WASHC5: variants seen among roughly 807,000 people sequenced by gnomAD.
The protein encoded by WASHC5 is WASH complex subunit strumpellin.
A neutral mutation model predicts 150.4 loss-of-function variants in WASHC5; 101 were observed. The observed-to-expected ratio is 0.67, with a 90% CI of 0.57 to 0.79. The LOEUF (loss-of-function observed/expected upper bound fraction) is 0.79, where lower values mean the gene tolerates loss of function less well. WASHC5 is among the 30% of genes least tolerant of loss of function. The pLI is 0.00. For synonymous variants in WASHC5, 467 were observed against 491.2 expected, an observed-to-expected ratio of 0.95 and a Z score of 0.65; for missense variants, 1,195 against 1,396.3, an observed-to-expected ratio of 0.86 and a Z score of 2.30.
At chr8:125,025,316 A>G (rs1441940262) in intron 28 of WASHC5, among the ~76,000 whole-genome samples, 2 of 152,200 alleles carry the variant, frequency 1.3e-5, no homozygotes, top group Non-Finnish European at 2.9e-5. Flanking sequence ...GCAAATGCAG[A>G]AGAGTATAAA....
chr8:125,082,410 A>C lies in WASHC5; in HGVS notation c.390T>G (p.Leu130=). The change falls in exon 4 of 29, where the codon CTT becomes CTG. Residue 130 remains leucine, a synonymous_variant. Transcript: ENST00000318410. ...VYIQQTLETV[L]LNEDGKQLLC... The stretch of plus-strand genomic sequence containing the variant: ...GAAGTTGTTTTCCATCTTCATTGAG[A>C]AGCACAGTTTCTAAGGTTTGCTGAA... 1 of 1,589,162 alleles carries C rather than the reference A, an allele frequency of 6.3e-7. No individual in the cohort carries two copies. Among genetic ancestry groups the C allele is most frequent in the South Asian group, 1.1e-5 (1 of 90,400 alleles).
chr8:125,081,544 G>A (rs781319895), intron 5 of WASHC5, 117 bp downstream of exon 5: 50 of 761,694 alleles, frequency 6.6e-5, no homozygotes, highest in African/African-American at 5.6e-4. Flanking sequence ...CGGCTGAATC[G>A]TATACTTTCT....
At chr8:125,060,252 C>T (rs150457780) in intron 12 of WASHC5, among the ~76,000 whole-genome samples, 4,007 of 152,176 alleles carry the variant, frequency 0.026, 181 homozygotes, top group African/African-American at 0.092. Context: ...TCTGAGAGCC[C>T]GAGGCAGGTG....
rs1815349630 is a variant in WASHC5 at position 125,025,397 on chromosome 8, C to G, written c.3424-724G>C. 2.6e-5 allele frequency among the ~76,000 whole-genome samples: 4 copies of G among 152,090 alleles called. No homozygotes were observed. The South Asian group carries it at 8.3e-4, about 32-fold the overall frequency. ...GTATAAATACCTAATACATGTGAGG[C>G]TTAAAACCTAGGCTGGGCGTGGTGG... is the stretch of plus-strand genomic sequence containing the variant. On this transcript the variant is annotated intron_variant, in intron 28 of 28. Transcript: ENST00000318410.
chr8:125,026,785 T>TG (rs1277825009), intron 28 of WASHC5, among the ~76,000 whole-genome samples: 3 of 152,168 alleles, frequency 2.0e-5, no homozygotes, highest in African/African-American at 7.2e-5. Context: ...CACCCTATTT[T>TG]GGTTTCTACA....
Position 125,082,396 on chromosome 8 carries a change from C to T in WASHC5, c.404G>A (p.Gly135Glu), listed in dbSNP as rs1817290602. 2 of 1,550,326 alleles carry T rather than the reference C, an allele frequency of 1.3e-6. No homozygotes were observed. The highest frequency in any genetic ancestry group is 1.4e-5 in the African/African-American group (1 of 73,476). Reference sequence around the variant, plus strand: ...ATTATTACTTACTAGAAGTTGTTTTCCATCTTCATTGAGAAGCACAGTTTC... The same window carrying T: ...ATTATTACTTACTAGAAGTTGTTTTTCATCTTCATTGAGAAGCACAGTTTC... ...TLETVLLNED[G>E]KQLLCEALYL... is the part of the protein sequence containing the mutation. The change falls in exon 4 of 29, where the codon GGA (glycine) becomes GAA (glutamate). Residue 135 changes from glycine (G) to glutamate (E), a missense_variant. Transcript: ENST00000318410.
At chr8:125,079,767 C>T (rs916849853) in intron 5 of WASHC5, among the ~76,000 whole-genome samples, 3 of 152,056 alleles carry the variant, frequency 2.0e-5, no homozygotes, top group African/African-American at 7.2e-5. Flanking sequence ...AGCCTCACAC[C>T]TATTCCAGGC....
At chr8:125,074,638 C>T (rs780324622) in intron 8 of WASHC5, among the ~76,000 whole-genome samples, 16 of 152,176 alleles carry the variant, frequency 1.1e-4, no homozygotes, top group Non-Finnish European at 2.1e-4. Context: ...TTATCATCTT[C>T]ATCATTCATC....
chr8:125,081,551 T>G (rs1045289432), intron 5 of WASHC5, 110 bp downstream of exon 5: 1 of 778,526 alleles, frequency 1.3e-6, no homozygotes, highest in Admixed American at 1.7e-5. Flanking sequence ...ATCGTATACT[T>G]TCTTATCTAT....
chr8:125,081,754 G>C lies in WASHC5; in HGVS notation c.425C>G (p.Ala142Gly). Reference sequence around the variant, plus strand: ...TAGCATAACTCCATATAAGTACAGTGCTTCACACTAAGAAGAGAAGAGGAC... The same window carrying C: ...TAGCATAACTCCATATAAGTACAGTCCTTCACACTAAGAAGAGAAGAGGAC... ...NEDGKQLLCEALYLYGVMLLV... is the reference protein window; with the variant it reads ...NEDGKQLLCEGLYLYGVMLLV... Residue 142 changes from alanine to glycine, a missense_variant, in exon 5 of 29, where the codon GCA becomes GGA. Around this residue, in one of 3 missense-constraint regions of WASHC5, gnomAD observed 195 missense variants for 206.9 expected, o/e 0.94. Coordinates refer to ENST00000318410, the MANE Select transcript of WASHC5 (RefSeq NM_014846.4). 1 of 1,599,340 alleles carries C rather than the reference G, an allele frequency of 6.3e-7. No individual in the cohort carries two copies.
intron 28 of WASHC5, among the ~76,000 whole-genome samples, chr8:125,024,918 T>G (rs931321125): frequency 1.3e-5 from 2 of 151,984 alleles, no homozygotes; most frequent in African/African-American, 2.4e-5. Flanking sequence ...AATCTGAGCT[T>G]CTTGGCTCTT....
intron 27 of WASHC5, among the ~76,000 whole-genome samples, chr8:125,029,029 A>AATTTTT: frequency 8.0e-6 from 1 of 124,932 alleles, no homozygotes; most frequent in Non-Finnish European, 1.6e-5. Flanking sequence ...ATCCCTGCAC[A>AATTTTT]CTTTTTTTTT....
At chr8:125,072,177 CA>C (rs1230410109) in intron 9 of WASHC5, among the ~76,000 whole-genome samples, 7 of 151,624 alleles carry the variant, frequency 4.6e-5, no homozygotes, top group African/African-American at 1.5e-4. Context: ...ACTGTCTCTA[CA>C]AAAAAATACA....
chr8:125,087,963 C>T (rs1046971322), intron 1 of WASHC5, among the ~76,000 whole-genome samples: 4 of 152,162 alleles, frequency 2.6e-5, no homozygotes, highest in African/African-American at 2.4e-5. Context: ...AAGGATGGGG[C>T]ATATGCTAGT....
intron 12 of WASHC5, among the ~76,000 whole-genome samples, chr8:125,060,658 T>C (rs78328637): frequency 0.026 from 3,989 of 152,194 alleles, 181 homozygotes; most frequent in African/African-American, 0.092. Flanking sequence ...AGAAAATATA[T>C]CACTTATAAG....
chr8:125,028,471 T>C (rs975512890), intron 28 of WASHC5, 149 bp downstream of exon 28: 2 of 636,064 alleles, frequency 3.1e-6, no homozygotes, highest in African/African-American at 3.6e-5. Flanking sequence ...GGCAAGGACA[T>C]TTCAGAGCTG....
chr8:125,089,426 G>A (rs1004052795), intron 1 of WASHC5, among the ~76,000 whole-genome samples: 2 of 152,142 alleles, frequency 1.3e-5, no homozygotes, highest in Non-Finnish European at 2.9e-5. Flanking sequence ...ATCTCATAAT[G>A]TTTTAAGCAA....
intron 5 of WASHC5, among the ~76,000 whole-genome samples, chr8:125,080,462 C>G (rs978109774): frequency 3.3e-5 from 5 of 152,152 alleles, no homozygotes; most frequent in African/African-American, 1.2e-4. Flanking sequence ...GAGCCTAAGA[C>G]TAATTTGCTG....
intron 18 of WASHC5, among the ~76,000 whole-genome samples, chr8:125,049,474 T>G (rs1050214997): frequency 6.6e-6 from 1 of 151,788 alleles, no homozygotes; most frequent in African/African-American, 2.4e-5. Flanking sequence ...AGGGAACTGC[T>G]TGAACCTGGG....
Sources: gnomAD v4.1 joint callset for allele counts (sites outside exome capture counted in the v4.1 genomes callset) on GRCh38, gnomAD v4.1.1 for gene constraint, gnomAD v4.1.1 regional missense constraint, MANE v1.5 for transcripts, NCBI Gene and HGNC (gene_info 2026-07-23, HGNC 2026-07-21) for gene names.